GREB1L: variants seen among roughly 807,000 people sequenced by gnomAD.
GREB1L encodes GREB1 like retinoic acid receptor coactivator, also known as GREB1-like protein.
Under a neutral mutation model 200.8 loss-of-function variants are expected in GREB1L, and 17 were observed. The observed-to-expected ratio is 0.08, with a 90% confidence interval of 0.06 to 0.13. The LOEUF is 0.13. GREB1L is among the 10% of genes least tolerant of loss of function. The probability of loss-of-function intolerance (pLI) is 1.00; values close to 1 mark genes in which losing one functional copy is unlikely to be tolerated. For synonymous variants in GREB1L, 789 were observed against 893.0 expected (o/e 0.88, Z 2.08); for missense variants, 1,657 against 2,367.7 (o/e 0.70, Z 6.23).
intron 7 of GREB1L, among the ~76,000 whole-genome samples, chr18:21,425,755 AAG>A (rs2032517731): frequency 1.3e-5 from 2 of 152,126 alleles, no homozygotes; most frequent in African/African-American, 4.8e-5. Context: ...ATTGATTTAC[AAG>A]AGTTTTTAAA....
intron 7 of GREB1L, among the ~76,000 whole-genome samples, chr18:21,426,335 G>A (rs1167744171): frequency 6.6e-6 from 1 of 152,126 alleles, no homozygotes; most frequent in African/African-American, 2.4e-5. Context: ...GGGATTATAG[G>A]CATGAGCCAC....
At position 21,500,098 on chromosome 18, in the gene GREB1L, C is replaced by G. The variant is rs1395232690; in HGVS notation, c.3761C>G (p.Ser1254Cys). ...AAGAGTGGCAAGCTGCCATCCTCCT[C>G]CTCCCTGCTGCCCCACGCCGACGTG... The part of the protein sequence containing the change: ...SQKSGKLPSS[S>C]SLLPHADVAW... Residue 1254 changes from serine to cysteine, a missense_variant, in exon 22 of 33, where the codon TCC (serine) becomes TGC (cysteine). Ser to Cys is a moderately radical substitution (Grantham distance 112). Transcript: ENST00000424526. 2.6e-6 allele frequency: 4 copies of G among 1,551,624 alleles called. No homozygotes were observed. The highest frequency in any genetic ancestry group is 3.5e-6 in the Non-Finnish European group (4 of 1,147,034).
chr18:21,357,172 C>G (rs368343823), intron 1 of GREB1L, among the ~76,000 whole-genome samples: 1 of 152,062 alleles, frequency 6.6e-6, no homozygotes, highest in Non-Finnish European at 1.5e-5. Flanking sequence ...CTTCTGCCTC[C>G]GCCTCCTGAG....
chr18:21,370,539 G>A (rs2039833463), intron 2 of GREB1L, among the ~76,000 whole-genome samples: 1 of 152,168 alleles, frequency 6.6e-6, no homozygotes, highest in South Asian at 2.1e-4. Context: ...CAGAAATACA[G>A]TAACAAATAA....
intron 23 of GREB1L, among the ~76,000 whole-genome samples, chr18:21,503,738 A>G (rs1015012931): frequency 9.2e-5 from 14 of 151,558 alleles, no homozygotes; most frequent in Admixed American, 5.9e-4. Flanking sequence ...CACCACACCC[A>G]GCTAGTTTTT....
chr18:21,395,490 C>G lies in GREB1L; in HGVS notation c.461C>G (p.Pro154Arg). The G allele has an allele frequency of 6.4e-7, 1 of 1,551,306 alleles. No individual in the cohort carries two copies. Among genetic ancestry groups the G allele is most frequent in the Non-Finnish European group, 8.7e-7 (1 of 1,146,712 alleles). Residue 154 changes from proline (P) to arginine (R), a missense_variant, in exon 5 of 33, where the codon CCT becomes CGT. By Grantham distance (103) the Pro-to-Arg change is moderately radical. Around this residue, in one of 9 missense-constraint regions of GREB1L, gnomAD observed 70 missense variants for 151.3 expected, o/e 0.46. Coordinates refer to ENST00000424526, the MANE Select transcript of GREB1L (RefSeq NM_001142966.3). ...GTGGGGGCCAAGTCTCCCAATCTGC[C>G]TGAACACATCCTAGTTTGTGCTGTG... is the stretch of plus-strand genomic sequence containing the variant. ...LLVGAKSPNLPEHILVCAVDK... is the reference protein window; with the variant it reads ...LLVGAKSPNLREHILVCAVDK...
At chr18:21,285,723 G>C (rs945554185) in intron 1 of GREB1L, among the ~76,000 whole-genome samples, 1 of 152,176 alleles carries the variant, frequency 6.6e-6, no homozygotes, top group African/African-American at 2.4e-5. Flanking sequence ...AAACCTGAAA[G>C]GTGCTTGGAA....
chr18:21,410,272 A>T (rs1044403841), intron 7 of GREB1L, among the ~76,000 whole-genome samples: 1 of 152,136 alleles, frequency 6.6e-6, no homozygotes, highest in African/African-American at 2.4e-5. Context: ...GGCCCTAGAT[A>T]TCTTTGCCTA....
chr18:21,340,279 G>A (rs2039249084), intron 1 of GREB1L, among the ~76,000 whole-genome samples: 1 of 151,978 alleles, frequency 6.6e-6, no homozygotes, highest in African/African-American at 2.4e-5. Flanking sequence ...AATTAGCCGG[G>A]CATGGTGGTG....
intron 7 of GREB1L, among the ~76,000 whole-genome samples, chr18:21,430,485 T>G (rs1244726711): frequency 1.3e-5 from 2 of 151,878 alleles, no homozygotes; most frequent in African/African-American, 4.8e-5. Context: ...ATTGTCTTTA[T>G]TCCTTTCTTC....
intron 2 of GREB1L, among the ~76,000 whole-genome samples, chr18:21,375,594 A>G (rs1345351757): frequency 6.6e-6 from 1 of 152,020 alleles, no homozygotes; most frequent in Non-Finnish European, 1.5e-5. Context: ...GCATTCATTT[A>G]CCCAATTGGG....
chr18:21,252,339 C>T (rs886208957), intron 1 of GREB1L, among the ~76,000 whole-genome samples: 9 of 152,082 alleles, frequency 5.9e-5, no homozygotes, highest in African/African-American at 1.4e-4. Context: ...GGATGGATCA[C>T]CTGAGGTCGG....
intron 1 of GREB1L, among the ~76,000 whole-genome samples, chr18:21,256,197 C>T (rs550596983): frequency 3.3e-5 from 5 of 152,296 alleles, no homozygotes; most frequent in African/African-American, 1.2e-4. Flanking sequence ...GTTGACAAAG[C>T]AACTTTCTGT....
intron 23 of GREB1L, among the ~76,000 whole-genome samples, chr18:21,503,879 A>G (rs536741640): frequency 9.5e-5 from 14 of 147,102 alleles, no homozygotes; most frequent in Non-Finnish European, 2.1e-4. Flanking sequence ...CACCTGGCCA[A>G]TCATAAAAAA....
At chr18:21,504,449 T>A (rs2036929765) in intron 23 of GREB1L, among the ~76,000 whole-genome samples, 1 of 152,194 alleles carries the variant, frequency 6.6e-6, no homozygotes, top group African/African-American at 2.4e-5. Context: ...AGTGGAAGGA[T>A]TCCTTGAGCC....
chr18:21,466,819 T>A (rs2035278296), intron 15 of GREB1L, among the ~76,000 whole-genome samples: 1 of 152,124 alleles, frequency 6.6e-6, no homozygotes, highest in Non-Finnish European at 1.5e-5. Flanking sequence ...AAGAATAACG[T>A]TGGAAGACTC....
intron 19 of GREB1L, among the ~76,000 whole-genome samples, chr18:21,494,468 G>T (rs1231417297): frequency 2.0e-5 from 3 of 151,912 alleles, no homozygotes; most frequent in Admixed American, 6.6e-5. Context: ...ATTGTCTTTT[G>T]CTTGGTGACT....
intron 1 of GREB1L, among the ~76,000 whole-genome samples, chr18:21,352,556 CCT>C (rs2039449580): frequency 6.6e-6 from 1 of 151,882 alleles, no homozygotes; most frequent in Non-Finnish European, 1.5e-5. Flanking sequence ...GCCTCAGCCA[CCT>C]GAATAGCTGT....
intron 23 of GREB1L, among the ~76,000 whole-genome samples, chr18:21,500,925 C>A (rs1299544497): frequency 1.3e-5 from 2 of 151,908 alleles, no homozygotes; most frequent in African/African-American, 4.8e-5. Context: ...AAAAATTAGC[C>A]AAGCATGGTT....
Sources: gnomAD v4.1 joint callset for allele counts (sites outside exome capture counted in the v4.1 genomes callset) on GRCh38, gnomAD v4.1.1 for gene constraint, gnomAD v4.1.1 regional missense constraint, MANE v1.5 for transcripts, NCBI Gene and HGNC (gene_info 2026-07-23, HGNC 2026-07-21) for gene names.